MFSD11: variants seen among roughly 807,000 people sequenced by gnomAD.
MFSD11 encodes UNC93-like protein MFSD11.
In MFSD11, 36 loss-of-function variants were observed where a neutral mutation model predicts 53.5. The observed-to-expected ratio is 0.67, with a 90% confidence interval of 0.52 to 0.89. The LOEUF (loss-of-function observed/expected upper bound fraction) is 0.89, where lower values mean the gene tolerates loss of function less well. MFSD11 is among the 40% of genes least tolerant of loss of function. The pLI is 0.00. For missense variants in MFSD11, 530 were observed against 543.9 expected (o/e 0.97, Z 0.25); for synonymous variants, 186 against 184.9 (o/e 1.01, Z -0.05).
chr17:76,790,444 C>G, the MFSD11 span, among the ~76,000 whole-genome samples: 1 of 146,984 alleles, frequency 6.8e-6, no homozygotes, highest in African/African-American at 2.5e-5. Context: ...TGGGTTCAAG[C>G]AATTCTCGTG....
chr17:76,747,554 C>T (rs1473617401), intron 7 of MFSD11, among the ~76,000 whole-genome samples: 1 of 151,856 alleles, frequency 6.6e-6, no homozygotes, highest in Non-Finnish European at 1.5e-5. Context: ...AGGCTGGTCT[C>T]GAACTCCTGA....
At chr17:76,785,164 A>G (rs77685619), downstream of MFSD11, among the ~76,000 whole-genome samples, 2,764 of 152,348 alleles carry the variant, frequency 0.018, 80 homozygotes, top group African/African-American at 0.062. Flanking sequence ...ATGCTACAAC[A>G]TAGATGGACC....
downstream of MFSD11, among the ~76,000 whole-genome samples, chr17:76,784,461 A>C (rs1035069337): frequency 6.6e-6 from 1 of 152,112 alleles, no homozygotes. Flanking sequence ...TGAACCTGGG[A>C]GGCAGAGGTT....
chr17:76,740,245 A>C (rs991676510), intron 2 of MFSD11, among the ~76,000 whole-genome samples: 1 of 152,196 alleles, frequency 6.6e-6, no homozygotes, highest in Non-Finnish European at 1.5e-5. Context: ...AAAGCCAAAG[A>C]ATAATTTACT....
intron 7 of MFSD11, chr17:76,745,587 A>G (rs1396556999): frequency 6.6e-6 from 1 of 152,158 alleles, no homozygotes; most frequent in Non-Finnish European, 1.5e-5. Flanking sequence ...TGATGTTACT[A>G]TTGCAATTGT....
At chr17:76,763,397 G>A (rs1033801845) in intron 8 of MFSD11, among the ~76,000 whole-genome samples, 1 of 151,074 alleles carries the variant, frequency 6.6e-6, no homozygotes, top group African/African-American at 2.4e-5. Flanking sequence ...CCCTAGTAGC[G>A]GGATTACAGG....
At chr17:76,752,492 G>A (rs2144406061) in intron 7 of MFSD11, among the ~76,000 whole-genome samples, 1 of 151,062 alleles carries the variant, frequency 6.6e-6, no homozygotes, top group East Asian at 2.0e-4. Context: ...CGATTCTCAT[G>A]TCAGCCTCCT....
intron 6 of MFSD11, among the ~76,000 whole-genome samples, chr17:76,743,681 A>G (rs2078296899): frequency 6.6e-6 from 1 of 152,170 alleles, no homozygotes; most frequent in Non-Finnish European, 1.5e-5. Context: ...CAATGGTGCC[A>G]TCTTGGCTCA....
At chr17:76,799,869 C>G in the MFSD11 span, among the ~76,000 whole-genome samples, 1 of 152,106 alleles carries the variant, frequency 6.6e-6, no homozygotes, top group Non-Finnish European at 1.5e-5. Flanking sequence ...CTCATACCCC[C>G]TTTCCCCATG....
the MFSD11 span, among the ~76,000 whole-genome samples, chr17:76,794,859 A>AT: frequency 6.0e-5 from 9 of 149,744 alleles, no homozygotes; most frequent in South Asian, 2.1e-4. Context: ...TGCCCAGCTA[A>AT]TTTTTTTTGT....
chr17:76,742,049 G>T lies in MFSD11; in HGVS notation c.340+1G>T, dbSNP rs1240819535. On this transcript the variant is annotated splice_donor_variant, in intron 4 of 12. Coordinates refer to ENST00000685175, the MANE Select transcript of MFSD11 (RefSeq NM_001242532.5). LOFTEE classifies it high-confidence loss of function. ...GTTTTCATTGGAATTGCTGCTGCTG[G>T]TAAGCATTTTGATTTTTAACTTCTC... 6.2e-7 allele frequency: 1 copy of T among 1,613,994 alleles called. No homozygotes were observed. The highest frequency in any genetic ancestry group is 2.2e-5 in the East Asian group (1 of 44,886).
At chr17:76,793,961 G>C in the MFSD11 span, among the ~76,000 whole-genome samples, 76 of 151,338 alleles carry the variant, frequency 5.0e-4, 4 homozygotes, top group African/African-American at 1.7e-3. Flanking sequence ...ATAGAATCTA[G>C]GTGGCCACTA....
chr17:76,787,277 A>G, the MFSD11 span, among the ~76,000 whole-genome samples: 2 of 151,012 alleles, frequency 1.3e-5, 1 homozygote, highest in Non-Finnish European at 3.0e-5. Context: ...CTGGGATTAC[A>G]GGCGCCCGCC....
chr17:76,779,677 G>A (rs1377704695), downstream of MFSD11, among the ~76,000 whole-genome samples: 1 of 152,074 alleles, frequency 6.6e-6, no homozygotes, highest in Non-Finnish European at 1.5e-5. Flanking sequence ...TAGAGATGGG[G>A]TTTCACCATG....
intron 8 of MFSD11, among the ~76,000 whole-genome samples, chr17:76,757,296 A>C (rs959079505): frequency 6.6e-6 from 1 of 152,218 alleles, no homozygotes; most frequent in Non-Finnish European, 1.5e-5. Context: ...TTGATTTATC[A>C]TAGGATATTG....
chr17:76,785,195 A>C (rs778925701), downstream of MFSD11, among the ~76,000 whole-genome samples: 2 of 152,212 alleles, frequency 1.3e-5, no homozygotes, highest in Admixed American at 6.5e-5. Flanking sequence ...TATCGTGCTG[A>C]GTGAGATAAG....
chr17:76,755,255 T>G (rs1183902824), intron 8 of MFSD11, among the ~76,000 whole-genome samples: 3 of 151,684 alleles, frequency 2.0e-5, no homozygotes, highest in African/African-American at 7.3e-5. Flanking sequence ...GATCAACCAG[T>G]TAGTAGGTGG....
At chr17:76,780,601 C>T (rs889359166), downstream of MFSD11, among the ~76,000 whole-genome samples, 8 of 151,956 alleles carry the variant, frequency 5.3e-5, no homozygotes, top group South Asian at 2.1e-4. Flanking sequence ...CTGCAACCTC[C>T]GCCTCCCAGG....
chr17:76,797,987 G>A, the MFSD11 span, among the ~76,000 whole-genome samples: 1 of 151,780 alleles, frequency 6.6e-6, no homozygotes, highest in South Asian at 2.1e-4. Context: ...GGGCTCACGT[G>A]ATCCTCCCAC....
Sources: gnomAD v4.1 joint callset for allele counts (sites outside exome capture counted in the v4.1 genomes callset) on GRCh38, gnomAD v4.1.1 for gene constraint, MANE v1.5 for transcripts, NCBI Gene and HGNC (gene_info 2026-07-23, HGNC 2026-07-21) for gene names.